The following TSPYL4 variants were observed in gnomAD, a reference collection of about 807,000 sequenced individuals.
TSPYL4 encodes the protein testis-specific Y-encoded-like protein 4.
A neutral mutation model predicts 24.2 loss-of-function variants in TSPYL4; 22 were observed. The observed-to-expected ratio is 0.91, with a 90% CI of 0.65 to 1.30. TSPYL4 has a LOEUF of 1.30. TSPYL4 is among the 50% of genes most tolerant of loss of function. The probability of loss-of-function intolerance (pLI) is 0.00; values close to 1 mark genes in which losing one functional copy is unlikely to be tolerated. For missense variants in TSPYL4, 569 were observed against 536.7 expected (o/e 1.06, Z -0.60); for synonymous variants, 211 against 208.2 (o/e 1.01, Z -0.12).
Position 116,254,071 on chromosome 6 carries a change from T to C in TSPYL4, c.-63A>G. ...CTTGTCCTCCGCAGCGGCCGAGCTCTGCCCGAAACGTCTAGCACCACCCCT... is the reference window on the plus strand; with the variant it reads ...CTTGTCCTCCGCAGCGGCCGAGCTCCGCCCGAAACGTCTAGCACCACCCCT... On this transcript the variant is annotated 5_prime_UTR_variant, in exon 1 of 1. Transcript: ENST00000420283. 5 of 1,495,074 alleles carry C rather than the reference T, an allele frequency of 3.3e-6. No homozygotes were observed. Among genetic ancestry groups the C allele is most frequent in the Middle Eastern group, 4.2e-4 (2 of 4,814 alleles). 92.6% of individuals were successfully genotyped at this position (1,495,074 alleles called of 1,614,324 possible). A position where few individuals can be genotyped will look rare whatever the true frequency, so the allele number is the denominator to read the frequency against.
Position 116,252,799 on chromosome 6 carries a change from C to A in TSPYL4, c.1210G>T (p.Glu404Ter). 6.3e-7 allele frequency: 1 copy of A among 1,599,112 alleles called. No individual in the cohort carries two copies. Among genetic ancestry groups the A allele is most frequent in the Non-Finnish European group, 8.5e-7 (1 of 1,172,194 alleles). Reference protein sequence around the residue: ...GIRGPPRQPVESARSFRFQSG With the variant: ...GIRGPPRQPV ...TGGAACCTGAAGGATCTGGCGCTCTCCACTGGCTGCCTTGGTGGGCCTCGA... is the reference window on the plus strand; with the variant it reads ...TGGAACCTGAAGGATCTGGCGCTCTACACTGGCTGCCTTGGTGGGCCTCGA... Residue 404 changes from glutamate (E) to a stop codon, truncating the protein, a stop_gained, in exon 1 of 1, where the codon GAG becomes TAG. Transcript: ENST00000420283. LOFTEE classifies it high-confidence loss of function.
rs746956528 is a variant in TSPYL4, at chr6:116,253,234, G to A, written c.775C>T (p.Arg259Ter). 1.2e-6 allele frequency: 2 copies of A among 1,613,862 alleles called. No individual in the cohort carries two copies. Among genetic ancestry groups the A allele is most frequent in the Non-Finnish European group, 1.7e-6 (2 of 1,179,872 alleles). Residue 259 changes from arginine (R) to a stop codon, truncating the protein, a stop_gained, in exon 1 of 1, where the codon CGA becomes TGA. Coordinates refer to ENST00000420283, the MANE Select transcript of TSPYL4 (RefSeq NM_021648.5). LOFTEE classifies it high-confidence loss of function. The surrounding 1 kb of genome is among the most constrained non-coding windows in gnomAD (Gnocchi z 4.3). Reference protein sequence around the residue: ...NIPGFWVTAFRNHPQLSPMIS... With the variant: ...NIPGFWVTAF ...ATAGGTGACAGCTGGGGGTGGTTTC[G>A]AAAGGCAGTAACCCAGAAACCTGGG...
Position 116,253,097 on chromosome 6 carries a change from G to C in TSPYL4, c.912C>G (p.Pro304=), listed in dbSNP as rs778012085. 6.2e-7 allele frequency: 1 copy of C among 1,614,016 alleles called. No homozygotes were observed. Among genetic ancestry groups the C allele is most frequent in the South Asian group, 1.1e-5 (1 of 91,082 alleles). The change falls in exon 1 of 1, where the codon CCC becomes CCG. Residue 304 remains proline (P), a synonymous_variant. Transcript: ENST00000420283. The surrounding 1 kb of genome is among the most constrained non-coding windows in gnomAD (Gnocchi z 4.3). The part of the protein sequence containing the change: ...CKFKFIFQGN[P]YFRNEGLVKE... ...TGACAAGCCCCTCATTTCGGAAGTA[G>C]GGGTTGCCCTGAAAGATGAACTTGA...
In TSPYL4 at chr6:116,253,399, T is replaced by G; in HGVS notation, c.610A>C (p.Met204Leu). ...TGATCGATGGCCTCCAGTGAGTCCA[T>G]GCAGTTATTGATCTTCGGGGCCCTG... Reference protein sequence around the residue: ...RPRAPKINNCMDSLEAIDQEL... With the variant: ...RPRAPKINNCLDSLEAIDQEL... Residue 204 changes from methionine to leucine, a missense_variant, in exon 1 of 1, where the codon ATG becomes CTG. Met to Leu is a conservative substitution (Grantham distance 15). Coordinates refer to ENST00000420283, the MANE Select transcript of TSPYL4 (RefSeq NM_021648.5). The surrounding 1 kb of genome is among the most constrained non-coding windows in gnomAD (Gnocchi z 4.3). 1 of 1,552,048 alleles carries G rather than the reference T, an allele frequency of 6.4e-7. No individual in the cohort carries two copies. The highest frequency in any genetic ancestry group is 8.7e-7 in the Non-Finnish European group (1 of 1,147,092).
At position 116,253,458 on chromosome 6, in the gene TSPYL4, T is replaced by A. The variant is rs1772003071; in HGVS notation, c.551A>T (p.Lys184Met). 1.9e-6 allele frequency: 3 copies of A among 1,551,134 alleles called. No individual in the cohort carries two copies. The highest frequency in any genetic ancestry group is 2.6e-6 in the Non-Finnish European group (3 of 1,146,844). Residue 184 changes from lysine to methionine, a missense_variant, in exon 1 of 1, where the codon AAG (lysine) becomes ATG (methionine). By Grantham distance (95) the Lys-to-Met change is moderately conservative (BLOSUM62 -1). Transcript: ENST00000420283. This position sits in a 1 kb window ranked among gnomAD's most constrained non-coding sequence, Gnocchi z 4.3. ...CTCCTCTTTCACCCCTCCTGCCACCTTTTTTTCCTTCTGCACTACCTTCTT... is the reference window on the plus strand; with the variant it reads ...CTCCTCTTTCACCCCTCCTGCCACCATTTTTTCCTTCTGCACTACCTTCTT... ...EEKKVVQKEK[K>M]VAGGVKEETR...
rs1413421892 is a variant in TSPYL4, at chr6:116,251,155, G to C, written c.*1609C>G. 2 of 398,508 alleles carry C rather than the reference G, an allele frequency of 5.0e-6. No homozygotes were observed. The highest frequency in any genetic ancestry group is 4.1e-5 in the African/African-American group (2 of 48,632). The allele number at this position is 398,508 out of a possible 1,614,324, so 24.7% of individuals were successfully genotyped here. On this transcript the variant is annotated 3_prime_UTR_variant, in exon 1 of 1. Coordinates refer to ENST00000420283, the MANE Select transcript of TSPYL4 (RefSeq NM_021648.5). ...AAAGGAGAAGAGTGACCTACAAAAT[G>C]CTACCCTAGAAGCAGTCCAAGGCCC...
rs767139495 is a variant in TSPYL4, at chr6:116,253,825, CACCCCCCTCCGCA to C, written c.171_183del (p.Ala58HisfsTer70). ...CCACAGTCGACAGGATCCTGGGATG[CACCCCCCTCCGCA>C]ACGGTCTCCAGGCTGCCCCCACCTG... is the stretch of plus-strand genomic sequence containing the variant. On this transcript the variant is annotated frameshift_variant, in exon 1 of 1. Coordinates refer to ENST00000420283, the MANE Select transcript of TSPYL4 (RefSeq NM_021648.5). LOFTEE classifies it high-confidence loss of function. This position sits in a 1 kb window ranked among gnomAD's most constrained non-coding sequence, Gnocchi z 4.3. The C allele has an allele frequency of 6.2e-7, 1 of 1,610,634 alleles. No individual in the cohort carries two copies. Among genetic ancestry groups the C allele is most frequent in the Non-Finnish European group, 8.5e-7 (1 of 1,178,634 alleles).
In TSPYL4 at chr6:116,251,048, C is replaced by G. The variant is rs541179781; in HGVS notation, c.*1716G>C. On this transcript the variant is annotated 3_prime_UTR_variant, in exon 1 of 1. Transcript: ENST00000420283. The stretch of plus-strand genomic sequence containing the variant: ...TTTGTTAGGAGCAGGGAAGGAAATG[C>G]AGAAGCTGAGAAATGAGGGCCAAGA... The G allele has an allele frequency of 6.3e-5, 25 of 395,978 alleles. No individual in the cohort carries two copies. Among genetic ancestry groups the G allele is most frequent in the Admixed American group, 1.3e-4 (3 of 22,666 alleles). 24.5% of individuals were successfully genotyped at this position (395,978 alleles called of 1,614,324 possible). A position where few individuals can be genotyped will look rare whatever the true frequency, so the allele number is the denominator to read the frequency against.
Position 116,252,798 on chromosome 6 carries a change from T to C in TSPYL4, c.1211A>G (p.Glu404Gly). 1 of 1,599,584 alleles carries C rather than the reference T, an allele frequency of 6.3e-7. No individual in the cohort carries two copies. The highest frequency in any genetic ancestry group is 8.5e-7 in the Non-Finnish European group (1 of 1,172,332). ...GIRGPPRQPV[E>G]SARSFRFQSG ...CTGGAACCTGAAGGATCTGGCGCTC[T>C]CCACTGGCTGCCTTGGTGGGCCTCG... The change falls in exon 1 of 1, where the codon GAG becomes GGG. Residue 404 changes from glutamate to glycine, a missense_variant. Transcript: ENST00000420283.
In TSPYL4 at chr6:116,253,427, C is replaced by T. The variant is rs1421758994; in HGVS notation, c.582G>A (p.Arg194=). The T allele has an allele frequency of 6.4e-7, 1 of 1,551,794 alleles. No individual in the cohort carries two copies. Among genetic ancestry groups the T allele is most frequent in the South Asian group, 1.2e-5 (1 of 84,072 alleles). Residue 194 remains arginine (R), a synonymous_variant, in exon 1 of 1, where the codon CGG becomes CGA. Coordinates refer to ENST00000420283, the MANE Select transcript of TSPYL4 (RefSeq NM_021648.5). This position sits in a 1 kb window ranked among gnomAD's most constrained non-coding sequence, Gnocchi z 4.3. The stretch of plus-strand genomic sequence containing the variant: ...AGTTATTGATCTTCGGGGCCCTGGG[C>T]CGTGTCTCCTCTTTCACCCCTCCTG... ...KVAGGVKEET[R]PRAPKINNCM... is the part of the protein sequence containing the mutation.
Position 116,253,809 on chromosome 6 carries a change from A to G in TSPYL4, c.200T>C (p.Val67Ala), listed in dbSNP as rs1467899132. Residue 67 changes from valine (V) to alanine (A), a missense_variant, in exon 1 of 1, where the codon GTC (valine) becomes GCC (alanine). Val to Ala is a moderately conservative substitution (Grantham distance 64, BLOSUM62 0). Transcript: ENST00000420283. This position sits in a 1 kb window ranked among gnomAD's most constrained non-coding sequence, Gnocchi z 4.3. ...GACGCGGAGCGCGGGGCCACAGTCGACAGGATCCTGGGATGCACCCCCCTC... is the reference window on the plus strand; with the variant it reads ...GACGCGGAGCGCGGGGCCACAGTCGGCAGGATCCTGGGATGCACCCCCCTC... ...VAEGGASQDP[V>A]DCGPALRVPV... is the part of the protein sequence containing the mutation. The G allele has an allele frequency of 6.2e-7, 1 of 1,607,870 alleles. No homozygotes were observed. Among genetic ancestry groups the G allele is most frequent in the Admixed American group, 1.7e-5 (1 of 59,324 alleles).
Position 116,252,717 on chromosome 6 carries a change from A to T in TSPYL4, c.*47T>A. 1 of 1,511,246 alleles carries T rather than the reference A, an allele frequency of 6.6e-7. No homozygotes were observed. The highest frequency in any genetic ancestry group is 1.3e-5 in the South Asian group (1 of 76,342). 93.6% of individuals were successfully genotyped at this position (1,511,246 alleles called of 1,614,324 possible). A position where few individuals can be genotyped will look rare whatever the true frequency, so the allele number is the denominator to read the frequency against. ...GCTGTTGGCCAAGCATAGGTCCAAG[A>T]GGAGGTGGTAAGGAAACTTGTGCAG... On this transcript the variant is annotated 3_prime_UTR_variant, in exon 1 of 1. Transcript: ENST00000420283.
In TSPYL4 at chr6:116,252,823, G is replaced by A; in HGVS notation, c.1186C>T (p.Arg396Ter). The A allele has an allele frequency of 1.3e-6, 2 of 1,598,462 alleles. No homozygotes were observed. The highest frequency in any genetic ancestry group is 1.1e-5 in the South Asian group (1 of 88,646). Reference protein sequence around the residue: ...LMGEGPRRGIRGPPRQPVESA... With the variant: ...LMGEGPRRGI ...TCCACTGGCTGCCTTGGTGGGCCTC[G>A]AATTCCTCTACGGGGCCCTTCACCC... The change falls in exon 1 of 1, where the codon CGA becomes TGA. Residue 396 changes from arginine (R) to a stop codon, truncating the protein, a stop_gained. Transcript: ENST00000420283. LOFTEE classifies it high-confidence loss of function.
In TSPYL4 at chr6:116,252,983, G is replaced by A. The variant is rs1277921631; in HGVS notation, c.1026C>T (p.Ile342=). The A allele has an allele frequency of 6.2e-7, 1 of 1,614,160 alleles. No individual in the cohort carries two copies. The highest frequency in any genetic ancestry group is 1.7e-5 in the Admixed American group (1 of 60,020). ...TAGTGTTCCCTTCCCGGTTTCTGTGGATATGAGCCTGGGGGTCTTGGCCTC... is the reference window on the plus strand; with the variant it reads ...TAGTGTTCCCTTCCCGGTTTCTGTGAATATGAGCCTGGGGGTCTTGGCCTC... ...WHRGQDPQAH[I]HRNREGNTIP... is the part of the protein sequence containing the mutation. The change falls in exon 1 of 1, where the codon ATC becomes ATT. Residue 342 remains isoleucine (I), a synonymous_variant. Coordinates refer to ENST00000420283, the MANE Select transcript of TSPYL4 (RefSeq NM_021648.5).
chr6:116,253,144 GT>G lies in TSPYL4; in HGVS notation c.864del (p.Lys288AsnfsTer77). ...TTGAATTTGCAGCCTGCTCTGGGGT[GT>G]TTAAGCTCCTCCACCTCCAAATTGA... ...YMINLEVEEL[K>X]HPRAGCKFKF... is the part of the protein sequence containing the mutation. On this transcript the variant is annotated frameshift_variant, in exon 1 of 1. Coordinates refer to ENST00000420283, the MANE Select transcript of TSPYL4 (RefSeq NM_021648.5). LOFTEE classifies it high-confidence loss of function. This position sits in a 1 kb window ranked among gnomAD's most constrained non-coding sequence, Gnocchi z 4.3. 6.2e-7 allele frequency: 1 copy of G among 1,614,012 alleles called. No individual in the cohort carries two copies. The highest frequency in any genetic ancestry group is 8.5e-7 in the Non-Finnish European group (1 of 1,179,940).
rs1771949495 is a variant in TSPYL4 at position 116,251,419 on chromosome 6, A to G, written c.*1345T>C. On this transcript the variant is annotated 3_prime_UTR_variant, in exon 1 of 1. Coordinates refer to ENST00000420283, the MANE Select transcript of TSPYL4 (RefSeq NM_021648.5). The stretch of plus-strand genomic sequence containing the variant: ...ATTTAACACTGCCTATAACTAAACA[A>G]TTAACCTATAGGTCTCCCTTTGAAA... 2.5e-6 allele frequency: 1 copy of G among 394,274 alleles called. No homozygotes were observed. The highest frequency in any genetic ancestry group is 4.5e-6 in the Non-Finnish European group (1 of 224,026). The allele number at this position is 394,274 out of a possible 1,614,324, so 24.4% of individuals were successfully genotyped here.
rs1443510205 is a variant in TSPYL4, at chr6:116,253,487, C to A, written c.522G>T (p.Glu174Asp). The change falls in exon 1 of 1, where the codon GAG becomes GAT. Residue 174 changes from glutamate (E) to aspartate (D), a missense_variant. By Grantham distance (45) the Glu-to-Asp change is conservative. Transcript: ENST00000420283. This position sits in a 1 kb window ranked among gnomAD's most constrained non-coding sequence, Gnocchi z 4.3. The part of the protein sequence containing the change: ...EKEGEAGAAM[E>D]EKKVVQKEKK... ...TTTCCTTCTGCACTACCTTCTTTTC[C>A]TCCATCGCCGCCCCTGCTTCTCCCT... 1 of 1,551,722 alleles carries A rather than the reference C, an allele frequency of 6.4e-7. No homozygotes were observed. The highest frequency in any genetic ancestry group is 8.7e-7 in the Non-Finnish European group (1 of 1,147,012).
At position 116,253,940 on chromosome 6, in the gene TSPYL4, A is replaced by C. The variant is rs1221188493; in HGVS notation, c.69T>G (p.His23Gln). The change falls in exon 1 of 1, where the codon CAT (histidine) becomes CAG (glutamine). Residue 23 changes from histidine to glutamine, a missense_variant. Coordinates refer to ENST00000420283, the MANE Select transcript of TSPYL4 (RefSeq NM_021648.5). The surrounding 1 kb of genome is among the most constrained non-coding windows in gnomAD (Gnocchi z 4.3). Reference protein sequence around the residue: ...AQTGGLAAPDHASGDPDRDQC... With the variant: ...AQTGGLAAPDQASGDPDRDQC... ...GGTCTCGGTCCGGATCTCCTGAGGC[A>C]TGGTCGGGAGCAGCCAGGCCGCCGG... The C allele has an allele frequency of 1.9e-6, 3 of 1,611,906 alleles. No individual in the cohort carries two copies. Among genetic ancestry groups the C allele is most frequent in the Middle Eastern group, 1.7e-4 (1 of 6,042 alleles).
At position 116,252,872 on chromosome 6, in the gene TSPYL4, G is replaced by A. The variant is rs758813358; in HGVS notation, c.1137C>T (p.Pro379=). ...CCATCAGGTAGTATTGTAGGGGATTGGGCCACAGTTCTCCTTTGATAATCT... is the reference window on the plus strand; with the variant it reads ...CCATCAGGTAGTATTGTAGGGGATTAGGCCACAGTTCTCCTTTGATAATCT... The part of the protein sequence containing the change: ...IAEIIKGELW[P]NPLQYYLMGE... Residue 379 remains proline (P), a synonymous_variant, in exon 1 of 1, where the codon CCC becomes CCT. Transcript: ENST00000420283. 2 of 1,604,398 alleles carry A rather than the reference G, an allele frequency of 1.2e-6. No homozygotes were observed. Among genetic ancestry groups the A allele is most frequent in the South Asian group, 2.2e-5 (2 of 89,648 alleles).
Sources: gnomAD v4.1 joint callset for allele counts on GRCh38, gnomAD v4.1.1 for gene constraint, Gnocchi (gnomAD v3.1) non-coding constraint, MANE v1.5 for transcripts, NCBI Gene and HGNC (gene_info 2026-07-23, HGNC 2026-07-21) for gene names.